The following ZPBP variants were observed in gnomAD, a reference collection of about 807,000 sequenced individuals.
The protein encoded by ZPBP is zona pellucida-binding protein 1.
Under a neutral mutation model 44.8 loss-of-function variants are expected in ZPBP, and 26 were observed. The ratio of observed to expected loss-of-function variants is 0.58; its 90% CI spans 0.43 to 0.81. The LOEUF (loss-of-function observed/expected upper bound fraction) is 0.81, where lower values mean the gene tolerates loss of function less well. Ranked by LOEUF, ZPBP falls within the 30% of genes least tolerant of loss-of-function variation. ZPBP has a pLI of 0.00. For missense variants in ZPBP, 409 were observed against 434.0 expected (o/e 0.94, Z 0.51); for synonymous variants, 174 against 153.2 (o/e 1.14, Z -1.00).
intron 7 of ZPBP, among the ~76,000 whole-genome samples, chr7:49,977,909 G>C (rs1796600617): frequency 6.6e-6 from 1 of 152,116 alleles, no homozygotes. Flanking sequence ...AAATGTAGAT[G>C]TCTGATTCCT....
At position 49,981,423 on chromosome 7, in the gene ZPBP, T is replaced by TGTAC; in HGVS notation, c.961+1918_961+1919insGTAC. Among the ~76,000 whole-genome samples, 2 of 47,410 alleles carry TGTAC rather than the reference T, an allele frequency of 4.2e-5. 1 individual carries two copies. The highest frequency in any genetic ancestry group is 1.5e-3 in the South Asian group (2 of 1,352). The allele number at this position is 47,410 out of a possible 152,430, so 31.1% of individuals were successfully genotyped here. The stretch of plus-strand genomic sequence containing the variant: ...TATATAAAATATATATAATATATAA[T>TGTAC]ATAAAATATATATAATATATATTAT... On this transcript the variant is annotated intron_variant, in intron 7 of 7. Coordinates refer to ENST00000046087, the MANE Select transcript of ZPBP (RefSeq NM_007009.3).
At chr7:49,843,352 T>C in the ZPBP span, among the ~76,000 whole-genome samples, 1 of 152,108 alleles carries the variant, frequency 6.6e-6, no homozygotes, top group South Asian at 2.1e-4. Context: ...GTGAAAAATC[T>C]CCCAAGCGAA....
intron 3 of ZPBP, among the ~76,000 whole-genome samples, chr7:50,079,425 T>G (rs1334414247): frequency 6.6e-6 from 1 of 151,588 alleles, no homozygotes; most frequent in Non-Finnish European, 1.5e-5. Flanking sequence ...AAATTCACTG[T>G]GCTAAGTAAA....
intron 2 of ZPBP, among the ~76,000 whole-genome samples, chr7:49,899,986 G>A (rs1161850358): frequency 6.6e-6 from 1 of 151,712 alleles, no homozygotes; most frequent in Non-Finnish European, 1.5e-5. Flanking sequence ...CAGACTACAA[G>A]GGAATTAAAT....
At chr7:49,848,552 C>T (rs1212150780), downstream of ZPBP, among the ~76,000 whole-genome samples, 1 of 152,240 alleles carries the variant, frequency 6.6e-6, no homozygotes, top group East Asian at 1.9e-4. Flanking sequence ...TCTGCTCTCT[C>T]GTTTCCTGGT....
intron 2 of ZPBP, among the ~76,000 whole-genome samples, chr7:49,886,334 C>G (rs1019855362): frequency 3.3e-5 from 5 of 152,096 alleles, no homozygotes; most frequent in Non-Finnish European, 7.4e-5. Flanking sequence ...ACCACATTAG[C>G]CTGACCTCTA....
the ZPBP span, among the ~76,000 whole-genome samples, chr7:49,844,683 T>TTTTTTA: frequency 6.6e-6 from 1 of 152,116 alleles, no homozygotes; most frequent in Non-Finnish European, 1.5e-5. Flanking sequence ...GGCAAGTCAC[T>TTTTTTA]TTTTTATTTT....
intron 6 of ZPBP, among the ~76,000 whole-genome samples, chr7:49,989,384 A>ATGGC (rs1797461634): frequency 6.6e-6 from 1 of 152,216 alleles, no homozygotes; most frequent in South Asian, 2.1e-4. Context: ...GTACAAACCC[A>ATGGC]TGGCTGGGCT....
At chr7:49,916,044 T>C (rs1793705064) in intron 1 of ZPBP, 1 of 152,238 alleles carries the variant, frequency 6.6e-6, no homozygotes, top group Admixed American at 6.5e-5. Flanking sequence ...TACATATTTT[T>C]CACATTTCAG....
At chr7:50,030,184 C>G (rs1348879073) in intron 5 of ZPBP, among the ~76,000 whole-genome samples, 1 of 151,798 alleles carries the variant, frequency 6.6e-6, no homozygotes, top group Non-Finnish European at 1.5e-5. Flanking sequence ...TAAACAGACC[C>G]AGGGGCTGGG....
At chr7:49,887,995 C>T (rs998457212) in intron 2 of ZPBP, among the ~76,000 whole-genome samples, 26 of 147,020 alleles carry the variant, frequency 1.8e-4, no homozygotes, top group Non-Finnish European at 2.8e-4. Flanking sequence ...CCCTTCACAA[C>T]CACTTGGTAT....
intron 2 of ZPBP, among the ~76,000 whole-genome samples, chr7:49,883,368 G>A (rs1330735113): frequency 1.3e-5 from 2 of 152,100 alleles, no homozygotes; most frequent in Non-Finnish European, 2.9e-5. Flanking sequence ...AAATGGCTTC[G>A]TCTGAAATAA....
intron 2 of ZPBP, among the ~76,000 whole-genome samples, chr7:49,885,006 A>T (rs1223505704): frequency 2.0e-5 from 3 of 152,116 alleles, no homozygotes; most frequent in African/African-American, 7.2e-5. Context: ...AATAGGATAT[A>T]AGTGTTGTAT....
chr7:50,081,770 C>A lies in ZPBP; in HGVS notation c.334+4G>T. ...TAATTACAATAATTGAAACAAAATCCTACCTGAAACAACTTTTCCTTTAGG... is the reference window on the plus strand; with the variant it reads ...TAATTACAATAATTGAAACAAAATCATACCTGAAACAACTTTTCCTTTAGG... On this transcript the variant is annotated splice_donor_region_variant and intron_variant, in intron 3 of 7. Coordinates refer to ENST00000046087, the MANE Select transcript of ZPBP (RefSeq NM_007009.3). 6.2e-7 allele frequency: 1 copy of A among 1,610,640 alleles called. No homozygotes were observed. Among genetic ancestry groups the A allele is most frequent in the Non-Finnish European group, 8.5e-7 (1 of 1,177,770 alleles).
chr7:49,897,349 T>TA (rs1379998572), intron 2 of ZPBP, among the ~76,000 whole-genome samples: 1 of 151,992 alleles, frequency 6.6e-6, no homozygotes, highest in Non-Finnish European at 1.5e-5. Context: ...GTGAAAAAAA[T>TA]ACAGGTCAAT....
intron 2 of ZPBP, among the ~76,000 whole-genome samples, chr7:49,863,046 T>C (rs1225282259): frequency 1.3e-5 from 2 of 152,196 alleles, no homozygotes; most frequent in African/African-American, 2.4e-5. Flanking sequence ...TTTGTGCTAA[T>C]TGTTTGTTAT....
intron 4 of ZPBP, among the ~76,000 whole-genome samples, chr7:50,050,670 G>T (rs919736954): frequency 6.6e-6 from 1 of 150,908 alleles, no homozygotes; most frequent in Admixed American, 6.6e-5. Context: ...GGGAGAACTG[G>T]CTAGCCATAT....
At chr7:49,854,891 AAGCT>A (rs1228386538) in intron 2 of ZPBP, among the ~76,000 whole-genome samples, 1 of 152,214 alleles carries the variant, frequency 6.6e-6, no homozygotes, top group Non-Finnish European at 1.5e-5. Flanking sequence ...TAGAACTATG[AAGCT>A]CAAAAAGGTT....
intron 4 of ZPBP, among the ~76,000 whole-genome samples, chr7:50,046,625 C>G (rs547503034): frequency 6.6e-6 from 1 of 152,176 alleles, no homozygotes; most frequent in Non-Finnish European, 1.5e-5. Context: ...GAATGGCAAT[C>G]CTTAAAAAGT....
Sources: gnomAD v4.1 joint callset for allele counts (sites outside exome capture counted in the v4.1 genomes callset) on GRCh38, gnomAD v4.1.1 for gene constraint, MANE v1.5 for transcripts, NCBI Gene and HGNC (gene_info 2026-07-23, HGNC 2026-07-21) for gene names.